LINGO2: variants seen among roughly 807,000 people sequenced by gnomAD.
LINGO2 encodes leucine-rich repeat and immunoglobulin-like domain-containing nogo receptor-interacting protein 2.
LINGO2 carries 14 observed loss-of-function variants against 30.6 expected under a neutral mutation model. The observed-to-expected ratio is 0.46, with a 90% CI of 0.30 to 0.72. The LOEUF is 0.72. LINGO2 is among the 30% of genes least tolerant of loss of function. The pLI is 0.07. For missense variants in LINGO2, 729 were observed against 751.7 expected (o/e 0.97, Z 0.35); for synonymous variants, 317 against 288.5 (o/e 1.10, Z -1.00).
chr9:28,317,385 CAAAT>C (rs1022521753), intron 3 of LINGO2, among the ~76,000 whole-genome samples: 7 of 152,032 alleles, frequency 4.6e-5, no homozygotes, highest in Non-Finnish European at 1.0e-4. Context: ...CTTAAAAAGA[CAAAT>C]AAAAATCTTA....
chr9:28,752,119 T>C, the LINGO2 span, among the ~76,000 whole-genome samples: 11 of 152,230 alleles, frequency 7.2e-5, no homozygotes, highest in East Asian at 2.1e-3. Context: ...AGACATGTAT[T>C]GTTCAATACA....
chr9:28,388,733 T>G (rs1821702273), intron 2 of LINGO2, among the ~76,000 whole-genome samples: 1 of 152,236 alleles, frequency 6.6e-6, no homozygotes, highest in Non-Finnish European at 1.5e-5. Context: ...TGACTCTAAG[T>G]TGATATTCCT....
At chr9:28,723,848 G>C in the LINGO2 span, among the ~76,000 whole-genome samples, 1 of 151,944 alleles carries the variant, frequency 6.6e-6, no homozygotes, top group Non-Finnish European at 1.5e-5. Context: ...ACTGACTTTG[G>C]GGCTACATTG....
the LINGO2 span, among the ~76,000 whole-genome samples, chr9:29,134,734 A>C: frequency 1.3e-5 from 2 of 152,058 alleles, no homozygotes; most frequent in Non-Finnish European, 2.9e-5. Flanking sequence ...AAAGGTACTC[A>C]ATCTATAAAA....
At chr9:28,480,583 CTA>C (rs1825920916) in intron 1 of LINGO2, among the ~76,000 whole-genome samples, 3 of 151,994 alleles carry the variant, frequency 2.0e-5, no homozygotes, top group African/African-American at 2.4e-5. Flanking sequence ...AAGGGGGAAA[CTA>C]TTGCCAGGAG....
intron 4 of LINGO2, among the ~76,000 whole-genome samples, chr9:28,216,779 C>G (rs1820782454): frequency 6.6e-6 from 1 of 151,814 alleles, no homozygotes; most frequent in African/African-American, 2.4e-5. Context: ...ATTGAAGTCA[C>G]TACATTTTAT....
At chr9:28,407,097 G>A (rs1266524013) in intron 2 of LINGO2, among the ~76,000 whole-genome samples, 1 of 152,002 alleles carries the variant, frequency 6.6e-6, no homozygotes, top group Non-Finnish European at 1.5e-5. Context: ...ATATAGAGAT[G>A]CATATATAAA....
At chr9:28,952,532 C>A in the LINGO2 span, among the ~76,000 whole-genome samples, 1 of 152,092 alleles carries the variant, frequency 6.6e-6, no homozygotes, top group African/African-American at 2.4e-5. Flanking sequence ...GACTTGTTTG[C>A]CCACTAAAAT....
the LINGO2 span, among the ~76,000 whole-genome samples, chr9:28,783,132 T>C: frequency 4.6e-5 from 7 of 152,214 alleles, no homozygotes; most frequent in African/African-American, 1.7e-4. Context: ...ATGAAGATAA[T>C]TCAACTTCTG....
chr9:28,951,033 C>T, the LINGO2 span, among the ~76,000 whole-genome samples: 1 of 152,060 alleles, frequency 6.6e-6, no homozygotes, highest in South Asian at 2.1e-4. Context: ...GGTACTGGTA[C>T]CAAAACAGAT....
chr9:27,971,369 A>AAT (rs1820346201), intron 5 of LINGO2, among the ~76,000 whole-genome samples: 1 of 152,006 alleles, frequency 6.6e-6, no homozygotes, highest in South Asian at 2.1e-4. Flanking sequence ...GCATGTGAAA[A>AAT]ATGATTTGAA....
chr9:28,897,590 C>T, the LINGO2 span, among the ~76,000 whole-genome samples: 1 of 151,974 alleles, frequency 6.6e-6, no homozygotes, highest in African/African-American at 2.4e-5. Context: ...TATTCTTGAT[C>T]CAGGCTTCCT....
chr9:28,154,951 G>A (rs1564006431), intron 4 of LINGO2, among the ~76,000 whole-genome samples: 1 of 152,168 alleles, frequency 6.6e-6, no homozygotes, highest in South Asian at 2.1e-4. Context: ...GAAGGCAGAA[G>A]TGAAAATCAT....
At chr9:28,608,225 T>C (rs189093723) in intron 1 of LINGO2, among the ~76,000 whole-genome samples, 275 of 151,958 alleles carry the variant, frequency 1.8e-3, no homozygotes, top group Middle Eastern at 0.01. Flanking sequence ...TCTAACACTT[T>C]CCCTAAAATT....
intron 1 of LINGO2, among the ~76,000 whole-genome samples, chr9:28,662,933 T>C (rs1220017887): frequency 1.3e-5 from 2 of 152,152 alleles, no homozygotes; most frequent in African/African-American, 2.4e-5. Context: ...GCAGCTTTCA[T>C]AGAGGTAAAT....
chr9:28,390,848 T>C (rs1439236083), intron 2 of LINGO2, among the ~76,000 whole-genome samples: 2 of 152,182 alleles, frequency 1.3e-5, no homozygotes, highest in Admixed American at 6.5e-5. Context: ...AGCCACAGTA[T>C]GGGGGAAAAT....
At chr9:28,851,304 T>A in the LINGO2 span, among the ~76,000 whole-genome samples, 1 of 152,054 alleles carries the variant, frequency 6.6e-6, no homozygotes, top group African/African-American at 2.4e-5. Flanking sequence ...AGATCCCTCA[T>A]GTTCCTTGAC....
Position 28,193,755 on chromosome 9 carries a change from G to T in LINGO2, c.-87+101453C>A, listed in dbSNP as rs147130063. On this transcript the variant is annotated intron_variant, in intron 4 of 5. Coordinates refer to ENST00000379992, the Ensembl canonical transcript of LINGO2. ...ACAAACTGAGAAAGAACTTTTGACA[G>T]TTCTGGTTCAGAGTCCCTCGTGTGA... 5.1e-3 allele frequency among the ~76,000 whole-genome samples: 778 copies of T among 152,306 alleles called. 9 individuals are homozygous for T. The highest frequency in any genetic ancestry group is 0.017 in the African/African-American group (719 of 41,562).
chr9:28,657,018 A>G (rs779535151), intron 1 of LINGO2, among the ~76,000 whole-genome samples: 10 of 152,130 alleles, frequency 6.6e-5, no homozygotes, highest in Admixed American at 1.3e-4. Flanking sequence ...ATGAATCATA[A>G]GCCCAGGCAA....
Sources: gnomAD v4.1 joint callset for allele counts (sites outside exome capture counted in the v4.1 genomes callset) on GRCh38, gnomAD v4.1.1 for gene constraint, MANE v1.5 for transcripts, NCBI Gene and HGNC (gene_info 2026-07-23, HGNC 2026-07-21) for gene names.